NRTN: variants seen among roughly 807,000 people sequenced by gnomAD.
The protein encoded by NRTN is neurturin, also known as prepro-neurturin.
A neutral mutation model predicts 7.5 loss-of-function variants in NRTN; 3 were observed. The ratio of observed to expected loss-of-function variants is 0.40; its 90% CI spans 0.18 to 1.03. NRTN has a LOEUF of 1.03. Among genes scored for constraint, NRTN ranks in the 50% least tolerant of loss-of-function variants. The pLI, the probability that NRTN is intolerant of heterozygous loss-of-function variation, is 0.34. For missense variants in NRTN, 310 were observed against 307.0 expected, an observed-to-expected ratio of 1.01 and a Z score of -0.07; for synonymous variants, 157 against 146.6, an observed-to-expected ratio of 1.07 and a Z score of -0.51.
At position 5,823,805 on chromosome 19, in the gene NRTN, C is replaced by T. The variant is rs995100088; in HGVS notation, c.-361C>T. On this transcript the variant is annotated 5_prime_UTR_variant, in exon 2 of 3. In the 5' UTR this introduces an upstream ATG that the reference lacks. Coordinates refer to ENST00000303212, the MANE Select transcript of NRTN (RefSeq NM_004558.5). ...CGGCCTCCTTGCTGTTCCTGGGATA[C>T]GCCACACTCAGTCTGGCCTCGGGGC... 7.2e-5 allele frequency: 29 copies of T among 401,430 alleles called. No individual in the cohort carries two copies. Among genetic ancestry groups the T allele is most frequent in the African/African-American group, 3.1e-4 (15 of 49,094 alleles). The allele number at this position is 401,430 out of a possible 1,614,324, so 24.9% of individuals were successfully genotyped here. A position where few individuals can be genotyped will look rare whatever the true frequency, so the allele number is the denominator to read the frequency against.
intron 1 of NRTN, among the ~76,000 whole-genome samples, chr19:5,814,780 G>A (rs1414793982): frequency 1.3e-5 from 2 of 152,120 alleles, no homozygotes; most frequent in East Asian, 3.9e-4. Context: ...CCCAGCTGTG[G>A]GGATTGTGTG....
At chr19:5,817,074 C>T (rs2057007258) in intron 1 of NRTN, among the ~76,000 whole-genome samples, 1 of 152,122 alleles carries the variant, frequency 6.6e-6, no homozygotes, top group African/African-American at 2.4e-5. Flanking sequence ...CAGTGGATCA[C>T]ACCTGGAATC....
rs1479006542 is a variant in NRTN at position 5,806,976 on chromosome 19, G to T, written c.-399+1525G>T. 6.6e-6 allele frequency among the ~76,000 whole-genome samples: 1 copy of T among 152,206 alleles called. No individual in the cohort carries two copies. The highest frequency in any genetic ancestry group is 6.5e-5 in the Admixed American group (1 of 15,272). ...GGTTGTTGGGTGCTGTCCTTCAAGG[G>T]AGGCAGATTTAGACCCAGGGACACA... On this transcript the variant is annotated intron_variant, in intron 1 of 2. Transcript: ENST00000303212. The surrounding 1 kb of genome is among the most constrained non-coding windows in gnomAD (Gnocchi z 5.4).
Position 5,824,087 on chromosome 19 carries a change from G to A in NRTN, c.-79G>A, listed in dbSNP as rs1343795819. 7 of 1,570,166 alleles carry A rather than the reference G, an allele frequency of 4.5e-6. No individual in the cohort carries two copies. The African/African-American group carries it at 9.4e-5, about 21-fold the overall frequency. On this transcript the variant is annotated 5_prime_UTR_variant, in exon 2 of 3. Coordinates refer to ENST00000303212, the MANE Select transcript of NRTN (RefSeq NM_004558.5). ...GTCAAAGGCCCCACACTGAGTCCTG[G>A]CCCAGCGCCCTGTGCCCGTTGGCTG...
In NRTN at chr19:5,806,792, C is replaced by T. The variant is rs572056654; in HGVS notation, c.-399+1341C>T. Among the ~76,000 whole-genome samples the T allele has an allele frequency of 1.3e-5, 2 of 152,328 alleles. No homozygotes were observed. Among genetic ancestry groups the T allele is most frequent in the South Asian group, 4.1e-4 (2 of 4,830 alleles). On this transcript the variant is annotated intron_variant, in intron 1 of 2. Transcript: ENST00000303212. This position sits in a 1 kb window ranked among gnomAD's most constrained non-coding sequence, Gnocchi z 5.4. ...AACTCCACCATCAGCACTGGCCCCT[C>T]GGCGTTTCAGGTCCCAGTTTTCAGG... is the stretch of plus-strand genomic sequence containing the variant.
At chr19:5,826,111 G>C (rs914001957) in intron 2 of NRTN, among the ~76,000 whole-genome samples, 2 of 151,678 alleles carry the variant, frequency 1.3e-5, no homozygotes, top group Non-Finnish European at 2.9e-5. Flanking sequence ...CTCCAGCCTG[G>C]GCGACAGAGC....
intron 1 of NRTN, among the ~76,000 whole-genome samples, chr19:5,810,731 C>G (rs943630044): frequency 1.5e-4 from 22 of 151,644 alleles, no homozygotes; most frequent in Non-Finnish European, 2.7e-4. Context: ...CAGATCAAGA[C>G]CACCCTGGCC....
chr19:5,828,111 G>T lies in NRTN; in HGVS notation c.532G>T (p.Asp178Tyr). The T allele has an allele frequency of 1.3e-6, 2 of 1,503,338 alleles. No individual in the cohort carries two copies. The highest frequency in any genetic ancestry group is 1.2e-5 in the South Asian group (1 of 80,198). 93.1% of individuals were successfully genotyped at this position (1,503,338 alleles called of 1,614,324 possible). Residue 178 changes from aspartate (D) to tyrosine (Y), a missense_variant, in exon 3 of 3, where the codon GAC becomes TAC. Transcript: ENST00000303212. ...TAYEDEVSFLDAHSRYHTVHE... is the reference protein window; with the variant it reads ...TAYEDEVSFLYAHSRYHTVHE... ...CTACGAGGACGAGGTGTCCTTCCTG[G>T]ACGCGCACAGCCGCTACCACACGGT...
At chr19:5,818,589 C>T (rs1268461614) in intron 1 of NRTN, among the ~76,000 whole-genome samples, 2 of 151,984 alleles carry the variant, frequency 1.3e-5, no homozygotes, top group African/African-American at 4.8e-5. Flanking sequence ...GGTCTCAGGG[C>T]ACAGATGATA....
At position 5,827,927 on chromosome 19, in the gene NRTN, C is replaced by T; in HGVS notation, c.348C>T (p.Gly116=). ...TGGAGGTGCGCGTGAGCGAGCTGGG[C>T]CTGGGCTACGCGTCCGACGAGACGG... The part of the protein sequence containing the change: ...RELEVRVSEL[G]LGYASDETVL... Residue 116 remains glycine, a synonymous_variant, in exon 3 of 3, where the codon GGC becomes GGT. Transcript: ENST00000303212. 1.3e-6 allele frequency: 2 copies of T among 1,481,652 alleles called. No homozygotes were observed. Among genetic ancestry groups the T allele is most frequent in the East Asian group, 2.9e-5 (1 of 34,664 alleles). 91.8% of individuals were successfully genotyped at this position (1,481,652 alleles called of 1,614,324 possible).
chr19:5,824,315 G>T lies in NRTN; in HGVS notation c.150G>T (p.Arg50=), dbSNP rs2144767391. 3 of 1,605,086 alleles carry T rather than the reference G, an allele frequency of 1.9e-6. No individual in the cohort carries two copies. The highest frequency in any genetic ancestry group is 1.3e-5 in the African/African-American group (1 of 75,004). Residue 50 remains arginine, a synonymous_variant, in exon 2 of 3, where the codon CGG becomes CGT. Transcript: ENST00000303212. ...GCCTGCCTCGAACCCTGGACGCCCG[G>T]ATTGCCCGCCTGGCCCAGTGTAAGC... The part of the protein sequence containing the change: ...LHRLPRTLDA[R]IARLAQYRAL...
intron 1 of NRTN, among the ~76,000 whole-genome samples, chr19:5,822,865 T>G (rs2057030378): frequency 6.6e-6 from 1 of 151,372 alleles, no homozygotes; most frequent in Non-Finnish European, 1.5e-5. Flanking sequence ...CAAAAAAAAT[T>G]AAAAATTAGC....
chr19:5,811,663 G>T (rs564357500), intron 1 of NRTN, among the ~76,000 whole-genome samples: 8 of 151,546 alleles, frequency 5.3e-5, no homozygotes, highest in Non-Finnish European at 1.0e-4. Flanking sequence ...CTCCTGAGTA[G>T]CTGGGACTGG....
rs557383692 is a variant in NRTN at position 5,813,680 on chromosome 19, GA to G, written c.-399+8242del. Among the ~76,000 whole-genome samples the G allele has an allele frequency of 5.8e-3, 680 of 117,068 alleles. 1 individual carries two copies. The highest frequency in any genetic ancestry group is 0.027 in the Middle Eastern group (5 of 184). 76.8% of individuals were successfully genotyped at this position (117,068 alleles called of 152,430 possible). On this transcript the variant is annotated intron_variant, in intron 1 of 2. Transcript: ENST00000303212. ...TGGGCAACAGAGCAAGACTCCGTCT[GA>G]AAAAAAAAAAAAGCCAGGCATGGTG...
intron 2 of NRTN, among the ~76,000 whole-genome samples, chr19:5,826,007 C>T (rs543295286): frequency 1.1e-3 from 169 of 152,138 alleles, no homozygotes; most frequent in African/African-American, 3.6e-3. Context: ...TGGTGGCGGG[C>T]GCCTGTAGTC....
chr19:5,811,309 G>C (rs1412256983), intron 1 of NRTN, among the ~76,000 whole-genome samples: 6 of 152,288 alleles, frequency 3.9e-5, no homozygotes, highest in African/African-American at 1.4e-4. Flanking sequence ...AGTGTTGGAA[G>C]TGAGTCTTTG....
chr19:5,820,290 G>A lies in NRTN; in HGVS notation c.-398-3478G>A, dbSNP rs1191831469. 2.2e-5 allele frequency among the ~76,000 whole-genome samples: 3 copies of A among 139,388 alleles called. No homozygotes were observed. The East Asian group carries it at 6.1e-4, about 28-fold the overall frequency. The allele number at this position is 139,388 out of a possible 152,430, so 91.4% of individuals were successfully genotyped here. ...CAAAAAAAAAAAAAAAAAATTGCCGGGCACGGTGGCTCACGCCTGTAATCC... is the reference window on the plus strand; with the variant it reads ...CAAAAAAAAAAAAAAAAAATTGCCGAGCACGGTGGCTCACGCCTGTAATCC... On this transcript the variant is annotated intron_variant, in intron 1 of 2. Transcript: ENST00000303212.
At chr19:5,823,365 TGAG>T (rs1402033320) in intron 1 of NRTN, among the ~76,000 whole-genome samples, 4 of 152,036 alleles carry the variant, frequency 2.6e-5, no homozygotes, top group Non-Finnish European at 5.9e-5. Flanking sequence ...TGCAGTGAGC[TGAG>T]ATTGCGCCAC....
Position 5,805,329 on chromosome 19 carries a change from C to T in NRTN, c.-521C>T, listed in dbSNP as rs1381728686. Among the ~76,000 whole-genome samples the T allele has an allele frequency of 1.8e-4, 26 of 146,176 alleles. No individual in the cohort carries two copies. The South Asian group carries it at 5.4e-3, about 30-fold the overall frequency. On this transcript the variant is annotated 5_prime_UTR_variant, in exon 1 of 3. Coordinates refer to ENST00000303212, the MANE Select transcript of NRTN (RefSeq NM_004558.5). ...CGCCGCACCCCGCCCGCGGCCGCCCCCTCCGGCCCGGGCCCCCCCCGGGCA... is the reference window on the plus strand; with the variant it reads ...CGCCGCACCCCGCCCGCGGCCGCCCTCTCCGGCCCGGGCCCCCCCCGGGCA...
Sources: gnomAD v4.1 joint callset for allele counts (sites outside exome capture counted in the v4.1 genomes callset) on GRCh38, gnomAD v4.1.1 for gene constraint, Gnocchi (gnomAD v3.1) non-coding constraint, MANE v1.5 for transcripts, NCBI Gene and HGNC (gene_info 2026-07-23, HGNC 2026-07-21) for gene names.